Variants in ARL15 observed in about 807,000 individuals in gnomAD.
ARL15 encodes ADP-ribosylation factor-like protein 15.
A neutral mutation model predicts 25.2 loss-of-function variants in ARL15; 19 were observed. The observed-to-expected ratio is 0.75, with a 90% CI of 0.53 to 1.10. ARL15 has a LOEUF of 1.10. Among genes scored for constraint, ARL15 ranks in the 50% least tolerant of loss-of-function variants. ARL15 has a pLI of 0.00. For synonymous variants in ARL15, 94 were observed against 86.8 expected (o/e 1.08, Z -0.46); for missense variants, 220 against 246.0 (o/e 0.89, Z 0.71).
chr5:54,198,870 G>A (rs892189934), intron 1 of ARL15, among the ~76,000 whole-genome samples: 1 of 152,092 alleles, frequency 6.6e-6, no homozygotes, highest in Non-Finnish European at 1.5e-5. Flanking sequence ...CAAAGCTGGA[G>A]GCATCACGCT....
intron 4 of ARL15, among the ~76,000 whole-genome samples, chr5:54,007,576 G>A (rs1749084976): frequency 6.6e-6 from 1 of 152,152 alleles, no homozygotes; most frequent in Non-Finnish European, 1.5e-5. Flanking sequence ...GGAGGCCCAG[G>A]TGGGTGGACT....
intron 1 of ARL15, among the ~76,000 whole-genome samples, chr5:54,209,750 C>G (rs940834820): frequency 1.3e-5 from 2 of 152,008 alleles, no homozygotes; most frequent in Non-Finnish European, 2.9e-5. Flanking sequence ...GCCAGACATG[C>G]TGTATAAAGA....
intron 1 of ARL15, among the ~76,000 whole-genome samples, chr5:54,300,067 A>C (rs62355131): frequency 0.33 from 49,806 of 151,990 alleles, 9,641 homozygotes; most frequent in Non-Finnish European, 0.44. Context: ...GCATGACCCC[A>C]TTACCCACCT....
rs565540396 is a variant in ARL15, at chr5:54,260,361, C to T, written c.48+50071G>A. 2.6e-5 allele frequency among the ~76,000 whole-genome samples: 4 copies of T among 152,298 alleles called. No individual in the cohort carries two copies. The South Asian group carries it at 8.3e-4, about 32-fold the overall frequency. ...CAATTACATAGGTACTAAGTCACCA[C>T]TCTATTTGACATTACAGATTCATTA... is the stretch of plus-strand genomic sequence containing the variant. On this transcript the variant is annotated intron_variant, in intron 1 of 4. Transcript: ENST00000504924.
At chr5:54,021,222 G>A (rs566513177) in intron 4 of ARL15, among the ~76,000 whole-genome samples, 3 of 150,864 alleles carry the variant, frequency 2.0e-5, no homozygotes, top group African/African-American at 7.3e-5. Context: ...GTAATCCCAG[G>A]TACTTGGGAG....
At chr5:53,918,040 C>T (rs1326312811) in intron 4 of ARL15, among the ~76,000 whole-genome samples, 1 of 152,006 alleles carries the variant, frequency 6.6e-6, no homozygotes, top group Non-Finnish European at 1.5e-5. Flanking sequence ...AACATATGGC[C>T]ATGAGATAAC....
chr5:54,290,012 G>A (rs1438425221), intron 1 of ARL15, among the ~76,000 whole-genome samples: 2 of 152,052 alleles, frequency 1.3e-5, no homozygotes, highest in Non-Finnish European at 2.9e-5. Context: ...TGTACTCTTG[G>A]TGTCTCCGCC....
intron 1 of ARL15, among the ~76,000 whole-genome samples, chr5:54,302,683 ATTTTTTTTTTTTTTTTT>A (rs372704359): frequency 2.6e-5 from 2 of 77,850 alleles, no homozygotes; most frequent in South Asian, 7.1e-4. Flanking sequence ...TAAAATTAAG[ATTTTTTTTTTTTTTTTT>A]TTTTTTTTTT....
intron 3 of ARL15, among the ~76,000 whole-genome samples, chr5:54,151,015 G>A (rs1184488125): frequency 6.6e-6 from 1 of 152,130 alleles, no homozygotes; most frequent in African/African-American, 2.4e-5. Flanking sequence ...AGCTCAGACT[G>A]ATACCAACCT....
At chr5:53,937,294 T>TACACACAC (rs10647066) in intron 4 of ARL15, among the ~76,000 whole-genome samples, 6 of 149,640 alleles carry the variant, frequency 4.0e-5, no homozygotes, top group African/African-American at 1.2e-4. Context: ...CGCCTGCGCA[T>TACACACAC]ACACACACAC....
At chr5:54,122,957 C>T (rs948750361) in intron 3 of ARL15, among the ~76,000 whole-genome samples, 6 of 152,088 alleles carry the variant, frequency 3.9e-5, no homozygotes, top group Admixed American at 2.6e-4. Context: ...GAATCTGGCA[C>T]AGAGCAGGCC....
At chr5:54,166,744 A>G (rs545119387) in intron 2 of ARL15, among the ~76,000 whole-genome samples, 23 of 152,208 alleles carry the variant, frequency 1.5e-4, no homozygotes, top group African/African-American at 4.8e-4. Flanking sequence ...TACAGTGATA[A>G]TAACAGTTTT....
At chr5:53,940,603 T>C (rs1371975380) in intron 4 of ARL15, among the ~76,000 whole-genome samples, 2 of 152,206 alleles carry the variant, frequency 1.3e-5, no homozygotes. Flanking sequence ...AGGTTATTCC[T>C]AATTTTCTGG....
At chr5:54,173,508 C>T (rs980742979) in intron 1 of ARL15, among the ~76,000 whole-genome samples, 1 of 152,106 alleles carries the variant, frequency 6.6e-6, no homozygotes, top group Non-Finnish European at 1.5e-5. Context: ...CTGTCATACT[C>T]TCGTAAATCA....
chr5:53,937,604 G>C (rs1256667351), intron 4 of ARL15, among the ~76,000 whole-genome samples: 1 of 152,014 alleles, frequency 6.6e-6, no homozygotes, highest in Non-Finnish European at 1.5e-5. Flanking sequence ...TGCTACAGTT[G>C]CCTACAGTAT....
chr5:54,010,783 G>C (rs948038420), intron 4 of ARL15, among the ~76,000 whole-genome samples: 83 of 152,192 alleles, frequency 5.5e-4, no homozygotes, highest in African/African-American at 1.9e-3. Flanking sequence ...AGGCTGAGGC[G>C]CGCGGATCAC....
At position 54,132,684 on chromosome 5, in the gene ARL15, G is replaced by T. The variant is rs183236842; in HGVS notation, c.254-19274C>A. The stretch of plus-strand genomic sequence containing the variant: ...TTTTATGGTTATTTCTTAATGATAT[G>T]CTAAACAAGGGGTGGATTATTCATG... On this transcript the variant is annotated intron_variant, in intron 3 of 4. Transcript: ENST00000504924. Among the ~76,000 whole-genome samples the T allele has an allele frequency of 1.6e-3, 248 of 152,252 alleles. 2 individuals carry two copies. The highest frequency in any genetic ancestry group is 8.1e-3 in the Admixed American group (124 of 15,284).
intron 4 of ARL15, among the ~76,000 whole-genome samples, chr5:53,944,098 G>C: frequency 6.6e-6 from 1 of 152,054 alleles, no homozygotes; most frequent in East Asian, 1.9e-4. Flanking sequence ...GATCTTACAG[G>C]GCCTTAGAAC....
chr5:54,084,156 C>T (rs1012256152), intron 4 of ARL15, among the ~76,000 whole-genome samples: 6 of 152,116 alleles, frequency 3.9e-5, no homozygotes, highest in East Asian at 1.9e-4. Context: ...CACTGCAGGC[C>T]GTTGGAGTGC....
Sources: gnomAD v4.1 joint callset for allele counts (sites outside exome capture counted in the v4.1 genomes callset) on GRCh38, gnomAD v4.1.1 for gene constraint, MANE v1.5 for transcripts, NCBI Gene and HGNC (gene_info 2026-07-23, HGNC 2026-07-21) for gene names.